The following MOV10L1 variants were observed in gnomAD, a reference collection of about 807,000 sequenced individuals.
The protein encoded by MOV10L1 is Mov10 like RNA helicase 1.
In MOV10L1, 110 loss-of-function variants were observed where a neutral mutation model predicts 143.8. That is an observed-to-expected ratio of 0.76 (90% CI 0.66 to 0.90). The LOEUF (loss-of-function observed/expected upper bound fraction) is 0.90. Ranked by LOEUF, MOV10L1 falls within the 40% of genes least tolerant of loss-of-function variation. The pLI is 0.00. For synonymous variants in MOV10L1, 593 were observed against 581.1 expected (o/e 1.02, Z -0.29); for missense variants, 1,406 against 1,526.8 (o/e 0.92, Z 1.32).
intron 9 of MOV10L1, among the ~76,000 whole-genome samples, chr22:50,118,978 A>G (rs138229): frequency 0.4 from 60,836 of 151,952 alleles, 12,899 homozygotes; most frequent in Non-Finnish European, 0.47. Flanking sequence ...GATGTAACCC[A>G]GAAAAGGAGC....
At chr22:50,113,849 C>G in intron 6 of MOV10L1, 61 bp downstream of exon 6, 1 of 1,319,966 alleles carries the variant, frequency 7.6e-7, no homozygotes, top group Non-Finnish European at 9.8e-7. Context: ...CACTATGACT[C>G]AATAATTTCT....
chr22:50,131,022 G>A (rs11703986), intron 13 of MOV10L1, among the ~76,000 whole-genome samples: 19,374 of 151,168 alleles, frequency 0.13, 1,619 homozygotes, highest in Non-Finnish European at 0.19. Context: ...TCAGTCTCCC[G>A]AGTAGCTGGG....
intron 3 of MOV10L1, among the ~76,000 whole-genome samples, chr22:50,102,050 A>G (rs967335580): frequency 3.3e-5 from 5 of 152,164 alleles, no homozygotes. Flanking sequence ...CAGAGAAGAG[A>G]AGGTGTCCCC....
rs35212822 is a variant in MOV10L1, at chr22:50,157,761, CAAA to C, written c.3067-278_3067-276del. ...AGTAGCTATATCAAAGGTCTAATAT[CAAA>C]AAAAAAAAAAAAAAAAAGATCAGAA... On this transcript the variant is annotated intron_variant, in intron 22 of 26. Transcript: ENST00000262794. Among the ~76,000 whole-genome samples the C allele has an allele frequency of 4.1e-3, 499 of 120,268 alleles. 2 individuals are homozygous for C. The highest frequency in any genetic ancestry group is 6.3e-3 in the Non-Finnish European group (375 of 59,898). 78.9% of individuals were successfully genotyped at this position (120,268 alleles called of 152,430 possible). A position where few individuals can be genotyped will look rare whatever the true frequency, so the allele number is the denominator to read the frequency against.
At chr22:50,106,979 G>A (rs993429668) in intron 3 of MOV10L1, among the ~76,000 whole-genome samples, 7 of 151,746 alleles carry the variant, frequency 4.6e-5, no homozygotes, top group Non-Finnish European at 7.4e-5. Flanking sequence ...GGGATTACAG[G>A]CGTGAGCCAC....
At chr22:50,115,371 C>A in intron 8 of MOV10L1, 125 bp downstream of exon 8, 1 of 1,140,524 alleles carries the variant, frequency 8.8e-7, no homozygotes, top group Non-Finnish European at 1.2e-6. Context: ...TCGAAACCAG[C>A]CTGGCCACCA....
Position 50,153,155 on chromosome 22 carries a change from C to T in MOV10L1, c.3003C>T (p.Thr1001=). The T allele has an allele frequency of 6.2e-7, 1 of 1,614,082 alleles. No homozygotes were observed. Among genetic ancestry groups the T allele is most frequent in the African/African-American group, 1.3e-5 (1 of 75,056 alleles). The change falls in exon 22 of 27, where the codon ACC becomes ACT. Residue 1001 remains threonine (T), a synonymous_variant. Transcript: ENST00000262794. ...TCTGTGCGGACCCCACAGTGGTGAC[C>T]TCCTTGCTGGGCTGGGAGAAGTTGC... ...LEVCADPTVV[T]SLLGWEKLPK...
chr22:50,100,586 T>C (rs1268230490), intron 3 of MOV10L1, among the ~76,000 whole-genome samples: 2 of 152,128 alleles, frequency 1.3e-5, no homozygotes, highest in Non-Finnish European at 2.9e-5. Context: ...CGATCTCAGC[T>C]TACTGCAACC....
chr22:50,091,669 G>C (rs958528922), intron 1 of MOV10L1, among the ~76,000 whole-genome samples: 3 of 152,190 alleles, frequency 2.0e-5, no homozygotes, highest in African/African-American at 7.2e-5. Flanking sequence ...AACAGGCCCA[G>C]AGTAGTTAAG....
At position 50,161,523 on chromosome 22, in the gene MOV10L1, C is replaced by G; in HGVS notation, c.*74C>G. ...TGCCGTTACAGTCTGCTCCGTGGCT[C>G]CTGTGGCCTGCCCTTGTCTCGCAGC... On this transcript the variant is annotated 3_prime_UTR_variant, in exon 27 of 27. Coordinates refer to ENST00000262794, the MANE Select transcript of MOV10L1 (RefSeq NM_018995.3). The G allele has an allele frequency of 7.1e-7, 1 of 1,414,614 alleles. No homozygotes were observed. Among genetic ancestry groups the G allele is most frequent in the Non-Finnish European group, 9.6e-7 (1 of 1,037,762 alleles). The allele number at this position is 1,414,614 out of a possible 1,614,324, so 87.6% of individuals were successfully genotyped here.
At chr22:50,121,709 C>A (rs2062351609) in intron 10 of MOV10L1, among the ~76,000 whole-genome samples, 1 of 152,160 alleles carries the variant, frequency 6.6e-6, no homozygotes, top group African/African-American at 2.4e-5. Context: ...CCTGGGTCTG[C>A]TAGGATGGAG....
chr22:50,134,156 C>T, intron 14 of MOV10L1, 91 bp downstream of exon 14: 1 of 985,274 alleles, frequency 1.0e-6, no homozygotes, highest in African/African-American at 1.7e-5. Flanking sequence ...TCTCTTCAGT[C>T]ATAATATTAG....
At chr22:50,116,217 G>A (rs2062170776) in intron 8 of MOV10L1, among the ~76,000 whole-genome samples, 2 of 147,078 alleles carry the variant, frequency 1.4e-5, no homozygotes, top group Admixed American at 6.8e-5. Flanking sequence ...TTGACATTAT[G>A]ACAACATAGA....
intron 22 of MOV10L1, among the ~76,000 whole-genome samples, chr22:50,156,868 C>T (rs1291015045): frequency 2.0e-5 from 3 of 152,232 alleles, no homozygotes; most frequent in African/African-American, 7.2e-5. Context: ...TTTCAGTCGT[C>T]ATGGGTACAT....
chr22:50,107,916 G>T (rs1053535615), intron 3 of MOV10L1, among the ~76,000 whole-genome samples: 6 of 152,234 alleles, frequency 3.9e-5, no homozygotes, highest in African/African-American at 1.4e-4. Flanking sequence ...GAGCCTGGAG[G>T]TGTGAGTGAG....
rs2063479290 is a variant in MOV10L1, at chr22:50,158,353, C to CA, written c.3216+148dup. The CA allele has an allele frequency of 4.1e-6, 4 of 974,938 alleles. No individual in the cohort carries two copies. The allele number at this position is 974,938 out of a possible 1,614,324, so 60.4% of individuals were successfully genotyped here. On this transcript the variant is annotated intron_variant, in intron 23 of 26. Transcript: ENST00000262794. This position sits in a 1 kb window ranked among gnomAD's most constrained non-coding sequence, Gnocchi z 5.0. The stretch of plus-strand genomic sequence containing the variant: ...AGGACCGCACTTGAATGTCGTTCAA[C>CA]ATGAGAGGTCACCCAACTGCCATCC...
intron 5 of MOV10L1, among the ~76,000 whole-genome samples, chr22:50,112,180 C>T (rs769826352): frequency 7.9e-5 from 12 of 152,256 alleles, no homozygotes; most frequent in Middle Eastern, 3.2e-3. Flanking sequence ...CACTGGACCA[C>T]GCTTTCCTTT....
intron 5 of MOV10L1, among the ~76,000 whole-genome samples, chr22:50,112,919 G>A (rs1569284673): frequency 6.6e-6 from 1 of 152,244 alleles, no homozygotes; most frequent in Non-Finnish European, 1.5e-5. Flanking sequence ...AGAGAAGGAA[G>A]AGCCAAACAG....
chr22:50,090,175 G>T lies in MOV10L1; in HGVS notation c.87G>T (p.Glu29Asp). Residue 29 changes from glutamate to aspartate, a missense_variant, in exon 1 of 27, where the codon GAG becomes GAT. By Grantham distance (45) the Glu-to-Asp change is conservative (BLOSUM62 2). Around this residue, in one of 3 missense-constraint regions of MOV10L1, gnomAD observed 166 missense variants for 153.9 expected, o/e 1.08. Coordinates refer to ENST00000262794, the MANE Select transcript of MOV10L1 (RefSeq NM_018995.3). ...AGGAAGCCGGGCAGCTGGAGCCCGA[G>T]CTCGCGGAAGGTGGCTCGCGGGAGG... ...PREEAGQLEP[E>D]LAEGDTKLKT... The T allele has an allele frequency of 7.0e-7, 1 of 1,419,044 alleles. No individual in the cohort carries two copies. The highest frequency in any genetic ancestry group is 9.2e-7 in the Non-Finnish European group (1 of 1,088,236). 87.9% of individuals were successfully genotyped at this position (1,419,044 alleles called of 1,614,324 possible).
Sources: gnomAD v4.1 joint callset for allele counts (sites outside exome capture counted in the v4.1 genomes callset) on GRCh38, gnomAD v4.1.1 for gene constraint, gnomAD v4.1.1 regional missense constraint, Gnocchi (gnomAD v3.1) non-coding constraint, MANE v1.5 for transcripts, NCBI Gene and HGNC (gene_info 2026-07-23, HGNC 2026-07-21) for gene names.